Variants in SUGCT observed in about 807,000 individuals in gnomAD.
SUGCT encodes succinyl-CoA:glutarate-CoA transferase.
In SUGCT, 41 loss-of-function variants were observed where a neutral mutation model predicts 55.0. The ratio of observed to expected loss-of-function variants is 0.74; its 90% CI spans 0.58 to 0.97. The LOEUF (loss-of-function observed/expected upper bound fraction) is 0.97, where lower values mean the gene tolerates loss of function less well. Among genes scored for constraint, SUGCT ranks in the 50% least tolerant of loss-of-function variants. The pLI is 0.00. For missense variants in SUGCT, 568 were observed against 547.8 expected (o/e 1.04, Z -0.37); for synonymous variants, 187 against 200.4 (o/e 0.93, Z 0.56).
At chr7:40,139,812 A>G (rs185475979) in intron 1 of SUGCT, among the ~76,000 whole-genome samples, 3 of 152,258 alleles carry the variant, frequency 2.0e-5, no homozygotes, top group Admixed American at 6.5e-5. Context: ...GCCTAGATCA[A>G]TGTCTAGAAG....
chr7:40,444,049 T>G (rs1046276386), intron 9 of SUGCT, among the ~76,000 whole-genome samples: 1 of 152,192 alleles, frequency 6.6e-6, no homozygotes, highest in Non-Finnish European at 1.5e-5. Flanking sequence ...GTGGTATTAT[T>G]TCTGAGGGCT....
intron 12 of SUGCT, among the ~76,000 whole-genome samples, chr7:40,649,722 G>A (rs375286603): frequency 5.3e-5 from 8 of 152,230 alleles, no homozygotes; most frequent in Non-Finnish European, 8.8e-5. Flanking sequence ...AACTAAAGGC[G>A]TCTTCCTTCC....
the SUGCT span, among the ~76,000 whole-genome samples, chr7:40,993,711 A>G: frequency 2.0e-5 from 3 of 152,142 alleles, no homozygotes; most frequent in Non-Finnish European, 4.4e-5. Context: ...TTGAGATGTA[A>G]TTGAAGAGCA....
chr7:40,510,498 GA>G (rs1458567645), intron 12 of SUGCT, among the ~76,000 whole-genome samples: 2 of 152,022 alleles, frequency 1.3e-5, no homozygotes, highest in Admixed American at 1.3e-4. Flanking sequence ...GGAGGAAAAA[GA>G]AATCTTGTTT....
intron 13 of SUGCT, among the ~76,000 whole-genome samples, chr7:40,783,995 G>A (rs1789890868): frequency 6.6e-6 from 1 of 152,186 alleles, no homozygotes; most frequent in Non-Finnish European, 1.5e-5. Context: ...TCAGTGCTAA[G>A]CATGAGTGTA....
intron 12 of SUGCT, among the ~76,000 whole-genome samples, chr7:40,732,036 G>A (rs1002571782): frequency 2.0e-5 from 3 of 152,132 alleles, no homozygotes; most frequent in Non-Finnish European, 4.4e-5. Flanking sequence ...GTTTGTTTTA[G>A]GGCTGCTGTA....
chr7:40,888,099 A>G, the SUGCT span, among the ~76,000 whole-genome samples: 1 of 152,180 alleles, frequency 6.6e-6, no homozygotes, highest in Admixed American at 6.6e-5. Context: ...ATAGGCATCC[A>G]TGCCCTCATT....
intron 9 of SUGCT, among the ~76,000 whole-genome samples, chr7:40,405,130 A>G (rs1283647231): frequency 2.0e-5 from 3 of 152,174 alleles, no homozygotes; most frequent in African/African-American, 7.2e-5. Context: ...GATACCCCTC[A>G]ACAGCAGAAG....
chr7:40,461,279 G>T (rs938038584), intron 11 of SUGCT, among the ~76,000 whole-genome samples: 3 of 152,140 alleles, frequency 2.0e-5, no homozygotes, highest in African/African-American at 7.2e-5. Flanking sequence ...ATTATATGAT[G>T]TGTGTTTTTC....
intron 12 of SUGCT, among the ~76,000 whole-genome samples, chr7:40,635,828 A>G (rs1229839958): frequency 6.6e-6 from 1 of 152,206 alleles, no homozygotes; most frequent in African/African-American, 2.4e-5. Flanking sequence ...GCAGATACCC[A>G]GGTATCACTG....
intron 13 of SUGCT, among the ~76,000 whole-genome samples, chr7:40,842,390 C>T (rs1305573356): frequency 1.3e-5 from 2 of 152,086 alleles, no homozygotes; most frequent in Non-Finnish European, 2.9e-5. Context: ...ACAGTGTTTT[C>T]CTGACTCATT....
intron 12 of SUGCT, among the ~76,000 whole-genome samples, chr7:40,609,634 T>C (rs1198998186): frequency 6.6e-6 from 1 of 152,012 alleles, no homozygotes; most frequent in Non-Finnish European, 1.5e-5. Context: ...TACATATTGG[T>C]ACTTCAAAAT....
At chr7:41,022,380 A>G in the SUGCT span, among the ~76,000 whole-genome samples, 1 of 152,218 alleles carries the variant, frequency 6.6e-6, no homozygotes, top group Non-Finnish European at 1.5e-5. Flanking sequence ...GAGAAAGCAA[A>G]AGAAAAACAT....
intron 12 of SUGCT, among the ~76,000 whole-genome samples, chr7:40,566,955 G>C (rs1370623635): frequency 6.6e-6 from 1 of 152,126 alleles, no homozygotes; most frequent in African/African-American, 2.4e-5. Flanking sequence ...ATGTTCAACT[G>C]TTGGCACTGT....
At chr7:40,477,036 A>G (rs1351600575) in intron 11 of SUGCT, among the ~76,000 whole-genome samples, 1 of 152,134 alleles carries the variant, frequency 6.6e-6, no homozygotes, top group African/African-American at 2.4e-5. Context: ...AAATGAGAGC[A>G]CTCATCTTAG....
intron 12 of SUGCT, among the ~76,000 whole-genome samples, chr7:40,604,802 C>G (rs1798448471): frequency 6.6e-6 from 1 of 152,206 alleles, no homozygotes; most frequent in Non-Finnish European, 1.5e-5. Flanking sequence ...TCACCTTTGC[C>G]CTCTCCCTAT....
intron 12 of SUGCT, among the ~76,000 whole-genome samples, chr7:40,575,744 G>C (rs1337791580): frequency 6.6e-6 from 1 of 151,792 alleles, no homozygotes; most frequent in East Asian, 1.9e-4. Context: ...TCAGGAGTTC[G>C]AGACCAGCCT....
intron 8 of SUGCT, among the ~76,000 whole-genome samples, chr7:40,286,772 T>C (rs1793371793): frequency 6.6e-6 from 1 of 152,214 alleles, no homozygotes; most frequent in Admixed American, 6.5e-5. Flanking sequence ...AATAACCCTA[T>C]GTCCTATAGT....
Position 40,860,631 on chromosome 7 carries a change from G to A in SUGCT, c.*152G>A, listed in dbSNP as rs2302027. The A allele has an allele frequency of 0.013, 8,855 of 693,234 alleles. 496 individuals carry two copies. The highest frequency in any genetic ancestry group is 0.11 in the Admixed American group (3,252 of 29,568). 42.9% of individuals were successfully genotyped at this position (693,234 alleles called of 1,614,324 possible). A position where few individuals can be genotyped will look rare whatever the true frequency, so the allele number is the denominator to read the frequency against. ...TACATGGCATCTCCAGAATGGCTCT[G>A]GTATTAATGAATCTAGTGCCTTTTA... On this transcript the variant is annotated 3_prime_UTR_variant, in exon 14 of 14. Coordinates refer to ENST00000335693, the MANE Select transcript of SUGCT (RefSeq NM_001193313.2).
Sources: gnomAD v4.1 joint callset for allele counts (sites outside exome capture counted in the v4.1 genomes callset) on GRCh38, gnomAD v4.1.1 for gene constraint, MANE v1.5 for transcripts, NCBI Gene and HGNC (gene_info 2026-07-23, HGNC 2026-07-21) for gene names.